SIK3: variants seen among roughly 807,000 people sequenced by gnomAD.
The protein encoded by SIK3 is serine/threonine-protein kinase SIK3.
SIK3 carries 28 observed loss-of-function variants against 144.2 expected under a neutral mutation model. The observed-to-expected ratio is 0.19, with a 90% CI of 0.14 to 0.27. The LOEUF is 0.27. SIK3 is among the 10% of genes least tolerant of loss of function. The probability of loss-of-function intolerance (pLI) is 1.00; values close to 1 mark genes in which losing one functional copy is unlikely to be tolerated. For missense variants in SIK3, 1,319 were observed against 1,776.0 expected (o/e 0.74, Z 4.62); for synonymous variants, 686 against 676.3 (o/e 1.01, Z -0.22).
At chr11:117,071,782 A>ATTTTTT (rs57735255) in intron 1 of SIK3, among the ~76,000 whole-genome samples, 1 of 105,640 alleles carries the variant, frequency 9.5e-6, no homozygotes, top group Non-Finnish European at 1.8e-5. Flanking sequence ...TGCTTGGTTA[A>ATTTTTT]TTTTTTTTTT....
intron 4 of SIK3, 148 bp downstream of exon 4, chr11:116,927,071 T>A: frequency 1.7e-6 from 1 of 573,442 alleles, no homozygotes; most frequent in Non-Finnish European, 2.8e-6. Context: ...AGTTTATCAA[T>A]TTTCAGGCTA....
At chr11:116,863,637 C>T (rs1943470176) in intron 16 of SIK3, 31 bp downstream of exon 16, 1 of 1,613,328 alleles carries the variant, frequency 6.2e-7, no homozygotes, top group Non-Finnish European at 8.5e-7. Context: ...ACCCATGCTC[C>T]TCCAGGGATG....
intron 16 of SIK3, among the ~76,000 whole-genome samples, chr11:116,863,258 T>C (rs887447927): frequency 1.3e-5 from 2 of 152,160 alleles, no homozygotes; most frequent in Admixed American, 1.3e-4. Flanking sequence ...AGCTATACTT[T>C]CTTTTTCTTT....
At chr11:116,944,061 T>G (rs1396946713) in intron 3 of SIK3, among the ~76,000 whole-genome samples, 1 of 152,196 alleles carries the variant, frequency 6.6e-6, no homozygotes, top group Non-Finnish European at 1.5e-5. Context: ...CCACTGTGTA[T>G]TTTATACTTT....
chr11:117,071,887 G>A (rs570629199), intron 1 of SIK3, among the ~76,000 whole-genome samples: 74 of 148,332 alleles, frequency 5.0e-4, no homozygotes, highest in Non-Finnish European at 8.4e-4. Context: ...CCAAAGTACC[G>A]GGATTACAGG....
chr11:116,991,529 C>T (rs80242245), intron 1 of SIK3, among the ~76,000 whole-genome samples: 1 of 152,116 alleles, frequency 6.6e-6, no homozygotes, highest in African/African-American at 2.4e-5. Flanking sequence ...AATTTGAACA[C>T]TCTAATAACT....
At chr11:116,953,252 CA>C (rs1396979868) in intron 3 of SIK3, among the ~76,000 whole-genome samples, 1 of 151,922 alleles carries the variant, frequency 6.6e-6, no homozygotes, top group African/African-American at 2.4e-5. Context: ...TTTAAACTAG[CA>C]AGTGTTCATA....
At chr11:116,988,801 AAAT>A (rs1452958916) in intron 1 of SIK3, among the ~76,000 whole-genome samples, 1 of 151,002 alleles carries the variant, frequency 6.6e-6, no homozygotes, top group African/African-American at 2.4e-5. Context: ...CTCAATAAAT[AAAT>A]AATATATATA....
Position 116,863,763 on chromosome 11 carries a change from CA to C in SIK3, c.2007del (p.Val670CysfsTer104). 1 of 1,613,976 alleles carries C rather than the reference CA, an allele frequency of 6.2e-7. No homozygotes were observed. Among genetic ancestry groups the C allele is most frequent in the East Asian group, 2.2e-5 (1 of 44,898 alleles). On this transcript the variant is annotated frameshift_variant, in exon 16 of 25. Coordinates refer to ENST00000445177, the MANE Select transcript of SIK3 (RefSeq NM_001366686.3). LOFTEE classifies it high-confidence loss of function. ...GCAGCCCCATCTGAGAACCGGCGCA[CA>C]GGGGAGAAACGCTCCGTAGGGAGGT... ...TLHLPTERFS[P>X]VRRFSDGAAS...
At chr11:116,896,688 G>A (rs1380479719) in intron 5 of SIK3, among the ~76,000 whole-genome samples, 1 of 152,154 alleles carries the variant, frequency 6.6e-6, no homozygotes, top group African/African-American at 2.4e-5. Context: ...GGGGAAATTT[G>A]AAATATGTGG....
At chr11:116,861,434 C>T in intron 18 of SIK3, 51 bp from the exon 19 acceptor site, 4 of 1,350,940 alleles carry the variant, frequency 3.0e-6, no homozygotes, top group South Asian at 1.2e-5. Context: ...GGTGACAGTA[C>T]AATCTTAAGT....
chr11:117,083,855 A>G lies in SIK3; in HGVS notation c.273+14288T>C, dbSNP rs766359587. On this transcript the variant is annotated intron_variant, in intron 1 of 24. Coordinates refer to ENST00000445177, the MANE Select transcript of SIK3 (RefSeq NM_001366686.3). ...AAAATGTCAACTTGTTCCACAGAAC[A>G]CTACACTAGCAGTGAACAGATATAA... Among the ~76,000 whole-genome samples the G allele has an allele frequency of 3.6e-4, 55 of 152,358 alleles. No individual in the cohort carries two copies. In the Middle Eastern group the frequency reaches 0.014, roughly 38 times the overall value.
intron 1 of SIK3, among the ~76,000 whole-genome samples, chr11:117,060,104 T>C (rs1953726011): frequency 6.6e-6 from 1 of 152,214 alleles, no homozygotes; most frequent in African/African-American, 2.4e-5. Flanking sequence ...AACCAACAAG[T>C]TCCTTAATAG....
intron 3 of SIK3, among the ~76,000 whole-genome samples, chr11:116,929,107 G>C (rs746331349): frequency 6.6e-6 from 1 of 152,176 alleles, no homozygotes; most frequent in Non-Finnish European, 1.5e-5. Context: ...TAACTTAACA[G>C]AAGCTGTGAA....
At chr11:117,037,853 T>G (rs1952581018) in intron 1 of SIK3, among the ~76,000 whole-genome samples, 1 of 152,236 alleles carries the variant, frequency 6.6e-6, no homozygotes, top group African/African-American at 2.4e-5. Flanking sequence ...CACCTGACCC[T>G]GGTTTCCTTG....
chr11:116,972,511 A>G (rs945547294), intron 1 of SIK3, among the ~76,000 whole-genome samples: 1 of 152,116 alleles, frequency 6.6e-6, no homozygotes, highest in Non-Finnish European at 1.5e-5. Context: ...ACCTACCTCC[A>G]TTTAACCTTG....
chr11:116,875,625 C>T (rs1214831580), intron 9 of SIK3, 174 bp from the exon 10 acceptor site: 21 of 797,608 alleles, frequency 2.6e-5, no homozygotes, highest in Non-Finnish European at 3.9e-5. Context: ...GATAGCATCG[C>T]CTCATGATTT....
At chr11:117,071,872 G>C (rs1387302017) in intron 1 of SIK3, among the ~76,000 whole-genome samples, 1 of 144,712 alleles carries the variant, frequency 6.9e-6, no homozygotes, top group Admixed American at 7.3e-5. Context: ...TCCCACCTCA[G>C]CCTTCCAAAG....
At chr11:116,931,179 C>T (rs574933674) in intron 3 of SIK3, among the ~76,000 whole-genome samples, 4 of 152,216 alleles carry the variant, frequency 2.6e-5, no homozygotes, top group East Asian at 3.9e-4. Context: ...ACATACCCGA[C>T]GAAGAGTAAT....
Sources: allele counts gnomAD v4.1 joint callset (sites outside exome capture counted in the v4.1 genomes callset), GRCh38; gene constraint gnomAD v4.1.1; transcripts MANE v1.5; gene names NCBI Gene and HGNC (gene_info 2026-07-23, HGNC 2026-07-21).